Variants in MYCBP2 observed in about 807,000 individuals in gnomAD.
The protein encoded by MYCBP2 is E3 ubiquitin-protein ligase MYCBP2.
MYCBP2 carries 120 observed loss-of-function variants against 525.3 expected under a neutral mutation model. The ratio of observed to expected loss-of-function variants is 0.23; its 90% CI spans 0.20 to 0.27. MYCBP2 has a LOEUF of 0.27. Among genes scored for constraint, MYCBP2 ranks in the 10% least tolerant of loss-of-function variants. The pLI, the probability that MYCBP2 is intolerant of heterozygous loss-of-function variation, is 1.00. For missense variants in MYCBP2, 4,149 were observed against 5,657.1 expected, an observed-to-expected ratio of 0.73 and a Z score of 8.55; for synonymous variants, 1,894 against 1,955.8, an observed-to-expected ratio of 0.97 and a Z score of 0.83.
At chr13:77,077,412 A>T (rs2042497553) in intron 66 of MYCBP2, 25 bp from the exon 67 acceptor site, 3 of 1,612,438 alleles carry the variant, frequency 1.9e-6, no homozygotes, top group Non-Finnish European at 2.5e-6. Flanking sequence ...AAGAGGCAGG[A>T]ACCTGATTCA....
At chr13:77,267,740 A>G in intron 8 of MYCBP2, 101 bp downstream of exon 8, 1 of 910,430 alleles carries the variant, frequency 1.1e-6, no homozygotes, top group Admixed American at 2.2e-5. Context: ...TTTTATAAGC[A>G]AGCACTATCC....
chr13:77,105,874 T>C (rs2047777853), intron 55 of MYCBP2, among the ~76,000 whole-genome samples: 1 of 152,192 alleles, frequency 6.6e-6, no homozygotes, highest in Non-Finnish European at 1.5e-5. Context: ...TGGTTCTTTA[T>C]GGGTCATTTT....
chr13:77,292,958 C>CAAAAAA (rs548135428), intron 2 of MYCBP2, among the ~76,000 whole-genome samples: 7 of 61,074 alleles, frequency 1.1e-4, no homozygotes, highest in Non-Finnish European at 1.4e-4. Flanking sequence ...GACTCCGTCT[C>CAAAAAA]AAAAAAAAAA....
intron 27 of MYCBP2, 116 bp downstream of exon 27, chr13:77,194,037 T>C (rs1041242): frequency 0.079 from 44,259 of 561,340 alleles, 2,229 homozygotes; most frequent in African/African-American, 0.18. Flanking sequence ...ATTTCTCAAG[T>C]ATTTGATATT....
At chr13:77,292,147 C>T (rs1199640824) in intron 2 of MYCBP2, among the ~76,000 whole-genome samples, 1 of 152,224 alleles carries the variant, frequency 6.6e-6, no homozygotes, top group Non-Finnish European at 1.5e-5. Flanking sequence ...ACACATTTCT[C>T]TGTAGTTCAC....
At chr13:77,316,538 T>C (rs992676455) in intron 1 of MYCBP2, among the ~76,000 whole-genome samples, 7 of 152,238 alleles carry the variant, frequency 4.6e-5, no homozygotes, top group African/African-American at 1.7e-4. Context: ...ATATTTCGCC[T>C]ATTATACAAT....
At chr13:77,238,262 A>G (rs2068265873) in intron 17 of MYCBP2, among the ~76,000 whole-genome samples, 2 of 151,358 alleles carry the variant, frequency 1.3e-5, no homozygotes, top group Admixed American at 1.3e-4. Context: ...AAAAAAAAAA[A>G]AAAAAGAAAT....
chr13:77,185,323 T>C lies in MYCBP2; in HGVS notation c.4499A>G (p.Lys1500Arg), dbSNP rs1432878459. Reference protein sequence around the residue: ...ETSKLAECIGKTRTLLRKILS... With the variant: ...ETSKLAECIGRTRTLLRKILS... The stretch of plus-strand genomic sequence containing the variant: ...AATTTTTCTTAACAAAGTTCTGGTT[T>C]TTCCAATACACTCTGCTAATTTGCT... The change falls in exon 32 of 83, where the codon AAA (lysine) becomes AGA (arginine). Residue 1500 changes from lysine (K) to arginine (R), a missense_variant. Physicochemically the swap from Lys to Arg is conservative, Grantham distance 26. Around this residue, in one of 21 missense-constraint regions of MYCBP2, gnomAD observed 292 missense variants for 330.5 expected, o/e 0.88. Transcript: ENST00000544440. The C allele has an allele frequency of 6.2e-7, 1 of 1,614,032 alleles. No homozygotes were observed. Among genetic ancestry groups the C allele is most frequent in the East Asian group, 2.2e-5 (1 of 44,868 alleles).
At chr13:77,316,941 CT>C (rs752591919) in intron 1 of MYCBP2, among the ~76,000 whole-genome samples, 1 of 133,578 alleles carries the variant, frequency 7.5e-6, no homozygotes, top group Admixed American at 8.1e-5. Flanking sequence ...ATGGTGACTT[CT>C]TTTTTTGTTG....
intron 26 of MYCBP2, among the ~76,000 whole-genome samples, chr13:77,198,370 G>C (rs1235452471): frequency 6.6e-6 from 1 of 152,160 alleles, no homozygotes. Flanking sequence ...TGTCAGTTCT[G>C]GTTGGGCCTC....
In MYCBP2 at chr13:77,126,489, T is replaced by C; in HGVS notation, c.7713A>G (p.Pro2571=). The C allele has an allele frequency of 6.2e-7, 1 of 1,613,938 alleles. No homozygotes were observed. Among genetic ancestry groups the C allele is most frequent in the Non-Finnish European group, 8.5e-7 (1 of 1,179,850 alleles). ...DFFKDINSCC[P]QEATMQEQDM... is the part of the protein sequence containing the mutation. ...CTTGTTCTTGCATTGTTGCTTCCTG[T>C]GGGCAGCAGGAGTTTATGTCTTTGA... The change falls in exon 53 of 83, where the codon CCA becomes CCG. Residue 2571 remains proline (P), a synonymous_variant. Coordinates refer to ENST00000544440, the MANE Select transcript of MYCBP2 (RefSeq NM_015057.5).
chr13:77,185,843 A>G (rs1291793510), intron 31 of MYCBP2, 28 bp downstream of exon 31: 1 of 1,483,918 alleles, frequency 6.7e-7, no homozygotes, highest in Non-Finnish European at 9.1e-7. Flanking sequence ...TTTTCTCCCT[A>G]TAGTCATTTA....
chr13:77,296,448 C>T (rs1258148538), intron 2 of MYCBP2, 151 bp downstream of exon 2: 2 of 794,034 alleles, frequency 2.5e-6, no homozygotes, highest in Admixed American at 4.2e-5. Context: ...AAAGATGAAA[C>T]TAAAAGAGGA....
intron 39 of MYCBP2, 90 bp from the exon 40 acceptor site, chr13:77,168,736 A>G: frequency 8.7e-7 from 1 of 1,156,062 alleles, no homozygotes; most frequent in Non-Finnish European, 1.2e-6. Context: ...TTACTCTAAT[A>G]ACAATTTCCA....
chr13:77,186,141 T>A, intron 30 of MYCBP2, 78 bp from the exon 31 acceptor site: 1 of 1,054,636 alleles, frequency 9.5e-7, no homozygotes, highest in Non-Finnish European at 1.3e-6. Context: ...AAGGCAATGG[T>A]AGACAACTTC....
chr13:77,199,440 T>G (rs2154266817), intron 26 of MYCBP2, among the ~76,000 whole-genome samples: 1 of 152,266 alleles, frequency 6.6e-6, no homozygotes, highest in African/African-American at 2.4e-5. Flanking sequence ...GAGATCAAAC[T>G]GCAAGGCGGC....
At chr13:77,172,521 T>C (rs1013718805) in intron 37 of MYCBP2, among the ~76,000 whole-genome samples, 2 of 152,166 alleles carry the variant, frequency 1.3e-5, no homozygotes, top group Non-Finnish European at 2.9e-5. Flanking sequence ...AGGAGACCAA[T>C]AGTGAAAGGA....
chr13:77,056,935 A>G (rs2038216686), intron 79 of MYCBP2, 51 bp downstream of exon 79: 1 of 1,389,612 alleles, frequency 7.2e-7, no homozygotes, highest in Non-Finnish European at 1.0e-6. Context: ...GAAAGGTGAA[A>G]AGAAAGAACA....
chr13:77,052,221 C>T (rs924508239), intron 80 of MYCBP2, among the ~76,000 whole-genome samples: 21 of 152,136 alleles, frequency 1.4e-4, no homozygotes, highest in Non-Finnish European at 2.6e-4. Flanking sequence ...TTCTTTGAGA[C>T]GGGCTCTCAC....
Sources: allele counts gnomAD v4.1 joint callset (sites outside exome capture counted in the v4.1 genomes callset), GRCh38; gene constraint gnomAD v4.1.1; regional missense constraint gnomAD v4.1.1; transcripts MANE v1.5; gene names NCBI Gene and HGNC (gene_info 2026-07-23, HGNC 2026-07-21).